TRIM55: variants seen among roughly 807,000 people sequenced by gnomAD.
The protein encoded by TRIM55 is tripartite motif containing 55.
In TRIM55, 50 loss-of-function variants were observed where a neutral mutation model predicts 60.9. The observed-to-expected ratio is 0.82, with a 90% CI of 0.65 to 1.04. The LOEUF is 1.04. Among genes scored for constraint, TRIM55 ranks in the 50% least tolerant of loss-of-function variants. The pLI, the probability that TRIM55 is intolerant of heterozygous loss-of-function variation, is 0.00. For missense variants in TRIM55, 681 were observed against 666.9 expected, an observed-to-expected ratio of 1.02 and a Z score of -0.23; for synonymous variants, 237 against 238.1, an observed-to-expected ratio of 1.00 and a Z score of 0.04.
chr8:66,163,983 T>A (rs1243849016), intron 9 of TRIM55, among the ~76,000 whole-genome samples: 1 of 152,064 alleles, frequency 6.6e-6, no homozygotes, highest in Non-Finnish European at 1.5e-5. Context: ...GTTTATTTTC[T>A]TGAAGAATTG....
intron 2 of TRIM55, among the ~76,000 whole-genome samples, chr8:66,130,562 C>CGGG (rs386412961): frequency 2.0e-4 from 28 of 140,098 alleles, no homozygotes; most frequent in South Asian, 1.1e-3. Flanking sequence ...GGAAGGGGGT[C>CGGG]GGGGGGGGTG....
At position 66,140,497 on chromosome 8, in the gene TRIM55, G is replaced by A. The variant is rs1332379841; in HGVS notation, c.603+3307G>A. On this transcript the variant is annotated intron_variant, in intron 4 of 9. Coordinates refer to ENST00000315962, the MANE Select transcript of TRIM55 (RefSeq NM_184085.2). Reference sequence around the variant, plus strand: ...TTCTCAAAGCCCCATGGAGGTCTCCGACTTTATGAATCCCTCTTGACACAT... The same window carrying A: ...TTCTCAAAGCCCCATGGAGGTCTCCAACTTTATGAATCCCTCTTGACACAT... 2.6e-5 allele frequency among the ~76,000 whole-genome samples: 4 copies of A among 152,344 alleles called. No individual in the cohort carries two copies. The East Asian group carries it at 5.8e-4, about 22-fold the overall frequency.
At chr8:66,162,228 AG>A (rs1811093657) in intron 9 of TRIM55, among the ~76,000 whole-genome samples, 1 of 152,156 alleles carries the variant, frequency 6.6e-6, no homozygotes, top group Non-Finnish European at 1.5e-5. Context: ...TTAATCATAA[AG>A]GGATGCTGGA....
At chr8:66,139,172 G>A (rs1258857583) in intron 4 of TRIM55, among the ~76,000 whole-genome samples, 10 of 152,124 alleles carry the variant, frequency 6.6e-5, no homozygotes, top group Non-Finnish European at 8.8e-5. Context: ...TCATAACACC[G>A]TGAATCAGCA....
intron 4 of TRIM55, among the ~76,000 whole-genome samples, chr8:66,138,304 C>T (rs932276387): frequency 6.6e-6 from 1 of 152,142 alleles, no homozygotes; most frequent in Non-Finnish European, 1.5e-5. Flanking sequence ...GTGTTATATA[C>T]ATGTCTTTTA....
chr8:66,128,028 A>C (rs1232648003), intron 1 of TRIM55, among the ~76,000 whole-genome samples: 1 of 152,226 alleles, frequency 6.6e-6, no homozygotes, highest in Non-Finnish European at 1.5e-5. Context: ...GTAACTGCTG[A>C]AGACATGAGT....
At chr8:66,167,614 C>G (rs1346353118) in intron 9 of TRIM55, among the ~76,000 whole-genome samples, 1 of 152,170 alleles carries the variant, frequency 6.6e-6, no homozygotes, top group African/African-American at 2.4e-5. Flanking sequence ...TGATGGGCCT[C>G]AGGAAATTAT....
At chr8:66,137,791 A>G (rs980131570) in intron 4 of TRIM55, among the ~76,000 whole-genome samples, 2 of 151,830 alleles carry the variant, frequency 1.3e-5, no homozygotes, top group African/African-American at 2.4e-5. Context: ...TTGCTGAATG[A>G]AGAGATGAGT....
chr8:66,168,901 A>T (rs146632209), intron 9 of TRIM55, among the ~76,000 whole-genome samples: 2 of 152,210 alleles, frequency 1.3e-5, no homozygotes, highest in Non-Finnish European at 1.5e-5. Context: ...TTATCCATTA[A>T]TGTCTTCGTT....
At chr8:66,167,606 A>G (rs1293083001) in intron 9 of TRIM55, among the ~76,000 whole-genome samples, 1 of 152,030 alleles carries the variant, frequency 6.6e-6, no homozygotes, top group African/African-American at 2.4e-5. Context: ...TGCTTGTTTG[A>G]TGGGCCTCAG....
chr8:66,152,001 C>G (rs1263634497), intron 7 of TRIM55, among the ~76,000 whole-genome samples: 1 of 152,098 alleles, frequency 6.6e-6, no homozygotes, highest in African/African-American at 2.4e-5. Flanking sequence ...ACAGGGAAGA[C>G]AGTTGCACTT....
intron 9 of TRIM55, among the ~76,000 whole-genome samples, chr8:66,172,232 G>A (rs905459199): frequency 1.3e-5 from 2 of 152,226 alleles, no homozygotes; most frequent in African/African-American, 4.8e-5. Flanking sequence ...GGCTCAGAGA[G>A]TTAACTAACT....
chr8:66,150,532 G>T, intron 7 of TRIM55, 66 bp downstream of exon 7: 1 of 1,593,038 alleles, frequency 6.3e-7, no homozygotes, highest in African/African-American at 1.3e-5. Context: ...AGAGTTGGGT[G>T]GGAGGAAAGC....
rs1811844879 is a variant in TRIM55 at position 66,174,972 on chromosome 8, G to A, written c.*379G>A. On this transcript the variant is annotated 3_prime_UTR_variant, in exon 10 of 10. Transcript: ENST00000315962. ...GACTTTTTGTTATTATATTATGGTAGCTTTCATTTCCTTTACTCTTTAACA... is the reference window on the plus strand; with the variant it reads ...GACTTTTTGTTATTATATTATGGTAACTTTCATTTCCTTTACTCTTTAACA... 1 of 156,108 alleles carries A rather than the reference G, an allele frequency of 6.4e-6. No homozygotes were observed. The highest frequency in any genetic ancestry group is 1.4e-5 in the Non-Finnish European group (1 of 70,412). 9.7% of individuals were successfully genotyped at this position (156,108 alleles called of 1,614,324 possible). A position where few individuals can be genotyped will look rare whatever the true frequency, so the allele number is the denominator to read the frequency against.
chr8:66,135,419 G>C (rs527771371), intron 3 of TRIM55, among the ~76,000 whole-genome samples: 3 of 152,218 alleles, frequency 2.0e-5, no homozygotes, highest in Admixed American at 6.5e-5. Flanking sequence ...AGAACGGCAC[G>C]ATCCCTGTTT....
At chr8:66,132,272 GAA>G (rs1809204633) in intron 2 of TRIM55, among the ~76,000 whole-genome samples, 1 of 152,164 alleles carries the variant, frequency 6.6e-6, no homozygotes, top group Non-Finnish European at 1.5e-5. Flanking sequence ...CCAACATGGT[GAA>G]ACTCCATCTG....
chr8:66,155,230 T>G (rs1810673035), intron 9 of TRIM55, among the ~76,000 whole-genome samples: 1 of 152,248 alleles, frequency 6.6e-6, no homozygotes, highest in South Asian at 2.1e-4. Flanking sequence ...AGACAATGAC[T>G]TATTATTTTG....
chr8:66,143,504 C>T (rs1055038630), intron 4 of TRIM55, among the ~76,000 whole-genome samples: 4 of 152,026 alleles, frequency 2.6e-5, no homozygotes, highest in African/African-American at 9.7e-5. Flanking sequence ...CAAATACAAA[C>T]ATACTAACAA....
intron 7 of TRIM55, among the ~76,000 whole-genome samples, chr8:66,151,561 C>T (rs1392244775): frequency 6.6e-6 from 1 of 152,080 alleles, no homozygotes; most frequent in East Asian, 1.9e-4. Context: ...ATATTAAGAT[C>T]AGTGGGTCAG....
Sources: gnomAD v4.1 joint callset for allele counts (sites outside exome capture counted in the v4.1 genomes callset) on GRCh38, gnomAD v4.1.1 for gene constraint, MANE v1.5 for transcripts, NCBI Gene and HGNC (gene_info 2026-07-23, HGNC 2026-07-21) for gene names.